Variants in PPL observed in about 807,000 individuals in gnomAD.
PPL encodes the protein periplakin.
Under a neutral mutation model 194.4 loss-of-function variants are expected in PPL, and 198 were observed. The ratio of observed to expected loss-of-function variants is 1.02; its 90% CI spans 0.91 to 1.15. PPL has a LOEUF of 1.15. Ranked by LOEUF, PPL falls within the 50% of genes most tolerant of loss-of-function variation. The probability of loss-of-function intolerance (pLI) is 0.00; values close to 1 mark genes in which losing one functional copy is unlikely to be tolerated. For missense variants in PPL, 2,885 were observed against 2,294.8 expected (o/e 1.26, Z -5.25); for synonymous variants, 1,220 against 972.4 (o/e 1.25, Z -4.74).
intron 2 of PPL, among the ~76,000 whole-genome samples, chr16:4,907,997 T>C (rs984104244): frequency 2.8e-5 from 4 of 143,036 alleles, no homozygotes; most frequent in African/African-American, 1.0e-4. Flanking sequence ...CTACTGAAAA[T>C]AAATAAATAA....
At chr16:4,904,475 C>A (rs907004429) in intron 2 of PPL, among the ~76,000 whole-genome samples, 12 of 152,108 alleles carry the variant, frequency 7.9e-5, no homozygotes. Context: ...GAAAGAAATG[C>A]TCCAGAGGTG....
intron 2 of PPL, among the ~76,000 whole-genome samples, chr16:4,906,327 C>T (rs1304359645): frequency 1.3e-5 from 2 of 152,180 alleles, no homozygotes; most frequent in East Asian, 3.9e-4. Context: ...CGGATTCACA[C>T]CATTATCCTG....
intron 1 of PPL, among the ~76,000 whole-genome samples, chr16:4,916,707 G>A (rs2088923989): frequency 2.0e-5 from 3 of 151,048 alleles, no homozygotes; most frequent in Admixed American, 2.0e-4. Context: ...GTTTCGCCAT[G>A]TTGCCCCAGC....
At chr16:4,918,240 C>T (rs1398935918) in intron 1 of PPL, among the ~76,000 whole-genome samples, 2 of 151,572 alleles carry the variant, frequency 1.3e-5, no homozygotes, top group East Asian at 3.9e-4. Flanking sequence ...TTGCAGTGAG[C>T]CGAGATTGCA....
At chr16:4,903,499 C>T (rs1032416903) in intron 3 of PPL, among the ~76,000 whole-genome samples, 8 of 152,106 alleles carry the variant, frequency 5.3e-5, no homozygotes, top group Non-Finnish European at 1.2e-4. Context: ...GCAGGCGGAT[C>T]ACCTAAGGTC....
At chr16:4,893,947 G>T in intron 12 of PPL, 1 of 414,704 alleles carries the variant, frequency 2.4e-6, no homozygotes, top group Non-Finnish European at 4.3e-6. Context: ...ATAAATGAAG[G>T]CATTCCTTGA....
intron 2 of PPL, among the ~76,000 whole-genome samples, chr16:4,907,817 T>C (rs933313560): frequency 3.3e-5 from 5 of 152,186 alleles, no homozygotes; most frequent in South Asian, 4.1e-4. Flanking sequence ...GTGATCCATG[T>C]AGTCTTCAAA....
intron 13 of PPL, 82 bp downstream of exon 13, chr16:4,893,459 G>A (rs944831448): frequency 5.7e-6 from 9 of 1,589,386 alleles, no homozygotes; most frequent in Middle Eastern, 1.7e-4. Context: ...GCCCCCCGCC[G>A]TCTCATCCAC....
At chr16:4,932,397 G>A (rs2089236100) in intron 1 of PPL, among the ~76,000 whole-genome samples, 1 of 151,818 alleles carries the variant, frequency 6.6e-6, no homozygotes, top group Non-Finnish European at 1.5e-5. Context: ...TCTGGGCTTG[G>A]CTCAGTCATG....
intron 17 of PPL, 45 bp from the exon 18 acceptor site, chr16:4,890,379 C>G: frequency 6.5e-7 from 1 of 1,528,442 alleles, no homozygotes; most frequent in Non-Finnish European, 8.7e-7. Flanking sequence ...CAAACAGATG[C>G]CTCACCGAGC....
At position 4,891,948 on chromosome 16, in the gene PPL, C is replaced by A; in HGVS notation, c.1831G>T (p.Val611Phe). Reference sequence around the variant, plus strand: ...TTCTCCAGGCGGTTGGCCACATCAACCCTGAGAGCACCAATCAGGCGTCGG... The same window carrying A: ...TTCTCCAGGCGGTTGGCCACATCAAACCTGAGAGCACCAATCAGGCGTCGG... ...LQLLDLAQEK[V>F]DVANRLEKSL... The change falls in exon 16 of 22, where the codon GTT becomes TTT. Residue 611 changes from valine to phenylalanine, a missense_variant and splice_region_variant. Val to Phe is a conservative substitution (Grantham distance 50). Transcript: ENST00000345988. 4.3e-6 allele frequency: 7 copies of A among 1,612,454 alleles called. No individual in the cohort carries two copies. Among genetic ancestry groups the A allele is most frequent in the African/African-American group, 1.3e-5 (1 of 75,040 alleles).
chr16:4,931,845 C>T (rs752576758), intron 1 of PPL, among the ~76,000 whole-genome samples: 4 of 152,218 alleles, frequency 2.6e-5, no homozygotes, highest in Non-Finnish European at 4.4e-5. Flanking sequence ...GCCTGAAATG[C>T]TACCATTAGC....
At chr16:4,888,767 T>C in intron 19 of PPL, 1 of 557,470 alleles carries the variant, frequency 1.8e-6, no homozygotes. Flanking sequence ...TGTTTACTGC[T>C]TCAGAGTATA....
chr16:4,934,619 C>A (rs1299197520), intron 1 of PPL, among the ~76,000 whole-genome samples: 1 of 152,084 alleles, frequency 6.6e-6, no homozygotes, highest in Non-Finnish European at 1.5e-5. Flanking sequence ...CTGAATCTCA[C>A]CAGCAATTTT....
chr16:4,937,009 A>T lies in PPL; in HGVS notation c.37T>A (p.Tyr13Asn). The T allele has an allele frequency of 1.3e-6, 2 of 1,539,496 alleles. No individual in the cohort carries two copies. Among genetic ancestry groups the T allele is most frequent in the Non-Finnish European group, 1.8e-6 (2 of 1,142,162 alleles). Residue 13 changes from tyrosine (Y) to asparagine (N), a missense_variant, in exon 1 of 22, where the codon TAC becomes AAC. Transcript: ENST00000345988. ...CTCCGGGTCTGCACAGTGGGGCTGT[A>T]TTTGCCTTTGTTTCTCTTCCTGAAG... ...SLFRKRNKGK[Y>N]SPTVQTRSIS...
At chr16:4,888,055 C>G in intron 20 of PPL, 47 bp downstream of exon 20, 1 of 1,394,484 alleles carries the variant, frequency 7.2e-7, no homozygotes, top group Non-Finnish European at 1.0e-6. Context: ...AGCAGGGCAG[C>G]TTGGCCTCCA....
At position 4,883,492 on chromosome 16, in the gene PPL, G is replaced by T; in HGVS notation, c.5163C>A (p.Ile1721=). The change falls in exon 22 of 22, where the codon ATC becomes ATA. Residue 1721 remains isoleucine (I), a synonymous_variant. Coordinates refer to ENST00000345988, the MANE Select transcript of PPL (RefSeq NM_002705.5). This position sits in a 1 kb window ranked among gnomAD's most constrained non-coding sequence, Gnocchi z 4.8. ...GCCTGCCACTCTGCAGGGCCTCTTC[G>T]ATGGAGAACTTCTTGCCAGACTTCC... The part of the protein sequence containing the change: ...HDRKSGKKFS[I]EEALQSGRLT... The T allele has an allele frequency of 6.2e-7, 1 of 1,614,192 alleles. No individual in the cohort carries two copies. Among genetic ancestry groups the T allele is most frequent in the Non-Finnish European group, 8.5e-7 (1 of 1,180,038 alleles).
intron 1 of PPL, among the ~76,000 whole-genome samples, chr16:4,927,365 T>C (rs6500646): frequency 0.17 from 26,325 of 152,170 alleles, 2,609 homozygotes; most frequent in African/African-American, 0.26. Flanking sequence ...CAGCTGCACA[T>C]CAAAAGAATG....
At chr16:4,895,864 C>A (rs2088417860) in intron 9 of PPL, 148 bp from the exon 10 acceptor site, 1 of 1,175,262 alleles carries the variant, frequency 8.5e-7, no homozygotes, top group African/African-American at 1.5e-5. Context: ...GCCTGAGGCT[C>A]CTCTGCGTGG....
Sources: allele counts gnomAD v4.1 joint callset (sites outside exome capture counted in the v4.1 genomes callset), GRCh38; gene constraint gnomAD v4.1.1; non-coding constraint Gnocchi (gnomAD v3.1); transcripts MANE v1.5; gene names NCBI Gene and HGNC (gene_info 2026-07-23, HGNC 2026-07-21).